The following SERINC3 variants were observed in gnomAD, a reference collection of about 807,000 sequenced individuals.
The protein encoded by SERINC3 is serine incorporator 3.
In SERINC3, 22 loss-of-function variants were observed where a neutral mutation model predicts 52.1. The observed-to-expected ratio is 0.42, with a 90% CI of 0.30 to 0.60. The LOEUF is 0.60. SERINC3 is among the 20% of genes least tolerant of loss of function. The probability of loss-of-function intolerance (pLI) is 0.16; values close to 1 mark genes in which losing one functional copy is unlikely to be tolerated. For synonymous variants in SERINC3, 226 were observed against 212.7 expected (o/e 1.06, Z -0.54); for missense variants, 564 against 584.6 (o/e 0.96, Z 0.36).
At chr20:44,520,269 G>A (rs961502861) in intron 1 of SERINC3, among the ~76,000 whole-genome samples, 3 of 152,104 alleles carry the variant, frequency 2.0e-5, no homozygotes, top group Non-Finnish European at 4.4e-5. Context: ...CAGCTACTCC[G>A]GGAGGCTGAA....
rs770852215 is a variant in SERINC3, at chr20:44,501,097, A to C, written c.1259T>G (p.Met420Arg). The C allele has an allele frequency of 6.2e-7, 1 of 1,614,000 alleles. No individual in the cohort carries two copies. ...CCTGTACCAGCTGGTCAGGGTCATCATGATGTACAAGGAAGCCAAGCAGAG... is the reference window on the plus strand; with the variant it reads ...CCTGTACCAGCTGGTCAGGGTCATCCTGATGTACAAGGAAGCCAAGCAGAG... ...LMLCLASLYIMMTLTSWYSPD... is the reference protein window; with the variant it reads ...LMLCLASLYIRMTLTSWYSPD... The change falls in exon 9 of 10, where the codon ATG (methionine) becomes AGG (arginine). Residue 420 changes from methionine to arginine, a missense_variant. By Grantham distance (91) the Met-to-Arg change is moderately conservative (BLOSUM62 -1). Transcript: ENST00000342374.
At chr20:44,502,747 C>T (rs1568784279) in intron 8 of SERINC3, among the ~76,000 whole-genome samples, 1 of 152,048 alleles carries the variant, frequency 6.6e-6, no homozygotes, top group East Asian at 1.9e-4. Context: ...GCTGGGACTA[C>T]AGATTGCACC....
chr20:44,521,722 C>A (rs534761610), intron 1 of SERINC3, among the ~76,000 whole-genome samples, 191 bp downstream of exon 1: 47 of 152,348 alleles, frequency 3.1e-4, no homozygotes, highest in African/African-American at 1.0e-3. Flanking sequence ...CCCCGAGGAA[C>A]CCGGAGGGCG....
chr20:44,503,940 G>C lies in SERINC3; in HGVS notation c.930C>G (p.Thr310=), dbSNP rs768676418. 1.2e-6 allele frequency: 2 copies of C among 1,606,574 alleles called. No homozygotes were observed. Among genetic ancestry groups the C allele is most frequent in the Middle Eastern group, 1.7e-4 (1 of 6,044 alleles). The change falls in exon 8 of 10, where the codon ACC becomes ACG. Residue 310 remains threonine, a synonymous_variant. Transcript: ENST00000342374. ...CAGCAGTTGAATTTCCAGGAGCCAG[G>C]GTTGGTGCAGTTATGCGTGTAATAA... ...MSFITRITAP[T]LAPGNSTAVV... is the part of the protein sequence containing the mutation.
At chr20:44,515,718 T>C (rs1394995600) in intron 1 of SERINC3, among the ~76,000 whole-genome samples, 1 of 151,470 alleles carries the variant, frequency 6.6e-6, no homozygotes, top group Non-Finnish European at 1.5e-5. Context: ...TGGCACAATC[T>C]CGGCTCACGG....
intron 7 of SERINC3, 52 bp downstream of exon 7, chr20:44,504,749 T>C (rs752069649): frequency 2.1e-6 from 3 of 1,452,992 alleles, no homozygotes; most frequent in Non-Finnish European, 2.9e-6. Context: ...ATGTAAAGGC[T>C]GATTTCCTAC....
At position 44,503,905 on chromosome 20, in the gene SERINC3, G is replaced by A; in HGVS notation, c.965C>T (p.Thr322Ile). ...CCCACTCTTTGATGGTGGAGTAGGGGTAGGGACCACAGCAGTTGAATTTCC... is the reference window on the plus strand; with the variant it reads ...CCCACTCTTTGATGGTGGAGTAGGGATAGGGACCACAGCAGTTGAATTTCC... Reference protein sequence around the residue: ...APGNSTAVVPTPTPPSKSGSL... With the variant: ...APGNSTAVVPIPTPPSKSGSL... Residue 322 changes from threonine (T) to isoleucine (I), a missense_variant, in exon 8 of 10, where the codon ACC (threonine) becomes ATC (isoleucine). By Grantham distance (89) the Thr-to-Ile change is moderately conservative. Transcript: ENST00000342374. 1 of 1,604,884 alleles carries A rather than the reference G, an allele frequency of 6.2e-7. No homozygotes were observed. Among genetic ancestry groups the A allele is most frequent in the Non-Finnish European group, 8.5e-7 (1 of 1,176,842 alleles).
At chr20:44,521,738 C>T (rs986011040) in intron 1 of SERINC3, among the ~76,000 whole-genome samples, 175 bp downstream of exon 1, 1 of 152,238 alleles carries the variant, frequency 6.6e-6, no homozygotes, top group Non-Finnish European at 1.5e-5. Flanking sequence ...GGGCGAGCCG[C>T]CTAAGCTGGA....
chr20:44,510,080 G>C, intron 4 of SERINC3, 52 bp from the exon 5 acceptor site: 1 of 1,556,012 alleles, frequency 6.4e-7, no homozygotes, highest in Non-Finnish European at 8.9e-7. Flanking sequence ...TAACATTTCA[G>C]AAGATCCAAC....
chr20:44,512,507 A>G (rs573671626), intron 3 of SERINC3, among the ~76,000 whole-genome samples: 4 of 152,302 alleles, frequency 2.6e-5, no homozygotes, highest in African/African-American at 9.6e-5. Context: ...GTGTGTACGT[A>G]GTATCTAGCA....
chr20:44,497,142 T>C (rs2064253199), downstream of SERINC3, among the ~76,000 whole-genome samples: 1 of 152,204 alleles, frequency 6.6e-6, no homozygotes, highest in Non-Finnish European at 1.5e-5. Context: ...GCAAGCCCTT[T>C]CATAGTGATG....
rs1321790967 is a variant in SERINC3 at position 44,513,006 on chromosome 20, C to T, written c.202-12G>A. On this transcript the variant is annotated splice_polypyrimidine_tract_variant and intron_variant, in intron 2 of 9. Transcript: ENST00000342374. ...CAAAATCCAGGAATCTGGAAAAAAG[C>T]AATTTCAATGTTACGAGAATATCTA... 8 of 1,480,412 alleles carry T rather than the reference C, an allele frequency of 5.4e-6. No homozygotes were observed. The highest frequency in any genetic ancestry group is 7.1e-6 in the Non-Finnish European group (8 of 1,119,548). 91.7% of individuals were successfully genotyped at this position (1,480,412 alleles called of 1,614,324 possible). A position where few individuals can be genotyped will look rare whatever the true frequency, so the allele number is the denominator to read the frequency against.
In SERINC3 at chr20:44,500,085, T is replaced by C. The variant is rs1297764142; in HGVS notation, c.*211A>G. The C allele has an allele frequency of 1.2e-5, 6 of 505,196 alleles. No homozygotes were observed. Among genetic ancestry groups the C allele is most frequent in the South Asian group, 3.3e-5 (1 of 30,078 alleles). The allele number at this position is 505,196 out of a possible 1,614,324, so 31.3% of individuals were successfully genotyped here. A position where few individuals can be genotyped will look rare whatever the true frequency, so the allele number is the denominator to read the frequency against. The stretch of plus-strand genomic sequence containing the variant: ...CAAAAAATGTTCCCTTTGTGCTATA[T>C]CCTTAGAAGTAAACATAATATACAG... On this transcript the variant is annotated 3_prime_UTR_variant, in exon 10 of 10. Coordinates refer to ENST00000342374, the MANE Select transcript of SERINC3 (RefSeq NM_006811.4).
Position 44,499,209 on chromosome 20 carries a change from T to C in SERINC3, c.*1087A>G, listed in dbSNP as rs1244467934. ...GTACAGAATAGACAGTAAATCTTTG[T>C]TGAAAGAACTCTTTTATTCTACCTT... On this transcript the variant is annotated 3_prime_UTR_variant, in exon 10 of 10. Transcript: ENST00000342374. The C allele has an allele frequency of 6.6e-6, 1 of 152,368 alleles. No homozygotes were observed. Among genetic ancestry groups the C allele is most frequent in the Non-Finnish European group, 1.5e-5 (1 of 68,044 alleles). 9.4% of individuals were successfully genotyped at this position (152,368 alleles called of 1,614,324 possible).
intron 1 of SERINC3, chr20:44,519,435 A>C: frequency 1.0e-6 from 1 of 965,342 alleles, no homozygotes. Flanking sequence ...AGAAGATAAA[A>C]GAAAAATTGT....
chr20:44,519,688 AGGTGGGAG>A (rs1477758077), intron 1 of SERINC3, among the ~76,000 whole-genome samples: 1 of 152,074 alleles, frequency 6.6e-6, no homozygotes, highest in Admixed American at 6.6e-5. Context: ...GGGAAGGCTG[AGGTGGGAG>A]GATCACTTGA....
chr20:44,518,285 A>G (rs923957014), intron 1 of SERINC3, among the ~76,000 whole-genome samples: 2 of 150,068 alleles, frequency 1.3e-5, no homozygotes, highest in African/African-American at 4.9e-5. Context: ...ACACAGTGAA[A>G]TCCTGTCTCT....
intron 9 of SERINC3, among the ~76,000 whole-genome samples, 158 bp downstream of exon 9, chr20:44,500,915 A>G (rs898957633): frequency 6.6e-6 from 1 of 152,174 alleles, no homozygotes; most frequent in South Asian, 2.1e-4. Context: ...AAGAATTCCA[A>G]TGGGTTTTAA....
chr20:44,501,365 C>T (rs1724806144), intron 8 of SERINC3, 65 bp from the exon 9 acceptor site: 2 of 1,316,834 alleles, frequency 1.5e-6, no homozygotes, highest in African/African-American at 1.4e-5. Context: ...CTGCCACTGG[C>T]CTGTATACAA....
Sources: gnomAD v4.1 joint callset for allele counts (sites outside exome capture counted in the v4.1 genomes callset) on GRCh38, gnomAD v4.1.1 for gene constraint, MANE v1.5 for transcripts, NCBI Gene and HGNC (gene_info 2026-07-23, HGNC 2026-07-21) for gene names.